KHDRBS2: variants seen among roughly 807,000 people sequenced by gnomAD.
The protein encoded by KHDRBS2 is KH RNA binding domain containing, signal transduction associated 2.
Under a neutral mutation model 44.3 loss-of-function variants are expected in KHDRBS2, and 26 were observed. The ratio of observed to expected loss-of-function variants is 0.59; its 90% CI spans 0.43 to 0.81. KHDRBS2 has a LOEUF of 0.81. KHDRBS2 is among the 40% of genes least tolerant of loss of function. KHDRBS2 has a pLI of 0.00. For synonymous variants in KHDRBS2, 194 were observed against 151.1 expected (o/e 1.28, Z -2.08); for missense variants, 476 against 433.1 (o/e 1.10, Z -0.88).
At chr6:62,180,503 G>C (rs1239660050) in intron 1 of KHDRBS2, among the ~76,000 whole-genome samples, 1 of 151,714 alleles carries the variant, frequency 6.6e-6, no homozygotes, top group Non-Finnish European at 1.5e-5. Context: ...TTAACGACTT[G>C]TACGCTGAAA....
intron 1 of KHDRBS2, among the ~76,000 whole-genome samples, chr6:62,235,195 A>G (rs1198109261): frequency 4.6e-5 from 7 of 151,276 alleles, no homozygotes. Context: ...ACGGGATGGT[A>G]AATTGTTCAA....
chr6:62,061,538 G>T (rs1429499446), intron 2 of KHDRBS2, among the ~76,000 whole-genome samples: 1 of 148,458 alleles, frequency 6.7e-6, no homozygotes, highest in East Asian at 2.0e-4. Context: ...TCTGCCAAGA[G>T]ATCCGCTGTT....
At chr6:61,952,161 G>T (rs907646941) in intron 4 of KHDRBS2, among the ~76,000 whole-genome samples, 27 of 152,056 alleles carry the variant, frequency 1.8e-4, no homozygotes, top group African/African-American at 5.8e-4. Context: ...AGAACACTTT[G>T]TTCCATTTTT....
At chr6:61,914,081 G>A (rs1465275354) in intron 4 of KHDRBS2, among the ~76,000 whole-genome samples, 1 of 151,986 alleles carries the variant, frequency 6.6e-6, no homozygotes, top group Non-Finnish European at 1.5e-5. Context: ...GACACAAATG[G>A]ATTAAAGTAG....
chr6:62,178,114 T>A (rs561493357), intron 1 of KHDRBS2, among the ~76,000 whole-genome samples: 1 of 151,466 alleles, frequency 6.6e-6, no homozygotes, highest in Non-Finnish European at 1.5e-5. Context: ...CATACAGTTA[T>A]GGCTGGGGGC....
At chr6:61,710,284 G>A (rs1184073553) in intron 7 of KHDRBS2, among the ~76,000 whole-genome samples, 1 of 151,694 alleles carries the variant, frequency 6.6e-6, no homozygotes, top group Non-Finnish European at 1.5e-5. Flanking sequence ...GCATTATAAA[G>A]CCTGCTTACT....
At chr6:62,171,443 G>T (rs935360053) in intron 2 of KHDRBS2, among the ~76,000 whole-genome samples, 1 of 151,932 alleles carries the variant, frequency 6.6e-6, no homozygotes, top group Admixed American at 6.6e-5. Flanking sequence ...TATGTAAAGA[G>T]ATCAAAACTA....
the KHDRBS2 span, chr6:61,659,124 CA>C: frequency 6.6e-6 from 1 of 151,612 alleles, no homozygotes; most frequent in African/African-American, 2.4e-5. Context: ...TACATTGGTT[CA>C]AATCCAAATT....
At chr6:62,160,913 C>T (rs980754132) in intron 2 of KHDRBS2, among the ~76,000 whole-genome samples, 1 of 152,080 alleles carries the variant, frequency 6.6e-6, no homozygotes, top group Admixed American at 6.6e-5. Flanking sequence ...CACTATCATT[C>T]ATCTCCATAA....
the KHDRBS2 span, among the ~76,000 whole-genome samples, chr6:61,647,173 C>G: frequency 6.6e-6 from 1 of 152,044 alleles, no homozygotes; most frequent in African/African-American, 2.4e-5. Context: ...ACAACCTTTA[C>G]TCTTATGAGT....
chr6:61,753,205 T>A, intron 6 of KHDRBS2, among the ~76,000 whole-genome samples: 1 of 152,062 alleles, frequency 6.6e-6, no homozygotes. Flanking sequence ...CCATGTATCA[T>A]CCCTCTTTGT....
At chr6:61,666,991 G>GTTTT in the KHDRBS2 span, among the ~76,000 whole-genome samples, 6 of 140,526 alleles carry the variant, frequency 4.3e-5, no homozygotes, top group Admixed American at 1.4e-4. Flanking sequence ...AACCTTCTGG[G>GTTTT]TTTTTTTTTT....
chr6:62,019,935 T>C (rs1449059023), intron 3 of KHDRBS2, among the ~76,000 whole-genome samples: 2 of 151,888 alleles, frequency 1.3e-5, no homozygotes, highest in Non-Finnish European at 2.9e-5. Context: ...TTCAATCTGA[T>C]CTTTATTATT....
chr6:62,044,855 T>C (rs1371782877), intron 3 of KHDRBS2, among the ~76,000 whole-genome samples: 1 of 152,140 alleles, frequency 6.6e-6, no homozygotes, highest in Admixed American at 6.6e-5. Context: ...CTGAGAGGCC[T>C]GCCTAAGTTT....
intron 1 of KHDRBS2, among the ~76,000 whole-genome samples, chr6:62,284,199 G>C (rs1273417531): frequency 6.6e-6 from 1 of 152,024 alleles, no homozygotes; most frequent in Non-Finnish European, 1.5e-5. Context: ...TATTTAGCTT[G>C]GCCGTCTTCA....
rs553190939 is a variant in KHDRBS2 at position 61,722,191 on chromosome 6, T to C, written c.893+10491A>G. On this transcript the variant is annotated intron_variant, in intron 7 of 8. Transcript: ENST00000281156. The stretch of plus-strand genomic sequence containing the variant: ...CTGGATTCGGTTTGCCATTATTTTA[T>C]TGAGGATTTTTGCATCAATGTTCAT... Among the ~76,000 whole-genome samples, 8 of 152,326 alleles carry C rather than the reference T, an allele frequency of 5.3e-5. 1 individual carries two copies. The South Asian group carries it at 1.0e-3, about 20-fold the overall frequency.
the KHDRBS2 span, among the ~76,000 whole-genome samples, chr6:61,617,712 T>TA: frequency 6.6e-6 from 1 of 152,138 alleles, no homozygotes; most frequent in Non-Finnish European, 1.5e-5. Context: ...TAAAGTAATT[T>TA]AACAAAGAAT....
the KHDRBS2 span, among the ~76,000 whole-genome samples, chr6:61,655,822 G>A: frequency 3.9e-5 from 6 of 152,114 alleles, no homozygotes; most frequent in East Asian, 1.2e-3. Context: ...GTCAAAGAAA[G>A]GCTTATTTGC....
chr6:62,071,700 A>T (rs1422415419), intron 2 of KHDRBS2, among the ~76,000 whole-genome samples: 1 of 152,042 alleles, frequency 6.6e-6, no homozygotes, highest in Non-Finnish European at 1.5e-5. Context: ...ATTGGTCTAT[A>T]TCTCTGTTTT....
Sources: gnomAD v4.1 joint callset for allele counts (sites outside exome capture counted in the v4.1 genomes callset) on GRCh38, gnomAD v4.1.1 for gene constraint, MANE v1.5 for transcripts, NCBI Gene and HGNC (gene_info 2026-07-23, HGNC 2026-07-21) for gene names.